The following ANKRD13C variants were observed in gnomAD, a reference collection of about 807,000 sequenced individuals.
ANKRD13C encodes ankyrin repeat domain 13C, also known as ankyrin repeat domain-containing protein 13C.
In ANKRD13C, 16 loss-of-function variants were observed where a neutral mutation model predicts 65.5. The ratio of observed to expected loss-of-function variants is 0.24; its 90% CI spans 0.17 to 0.37. The LOEUF is 0.37. Among genes scored for constraint, ANKRD13C ranks in the 10% least tolerant of loss-of-function variants. ANKRD13C has a pLI of 1.00. For synonymous variants in ANKRD13C, 235 were observed against 238.7 expected, an observed-to-expected ratio of 0.98 and a Z score of 0.14; for missense variants, 503 against 655.9, an observed-to-expected ratio of 0.77 and a Z score of 2.55.
intron 6 of ANKRD13C, 105 bp from the exon 7 acceptor site, chr1:70,301,013 T>C: frequency 3.4e-6 from 4 of 1,173,288 alleles, no homozygotes; most frequent in Non-Finnish European, 4.6e-6. Flanking sequence ...AAGATGCTAA[T>C]ACCATATTGC....
At chr1:70,265,842 A>AG in intron 12 of ANKRD13C, among the ~76,000 whole-genome samples, 1 of 149,206 alleles carries the variant, frequency 6.7e-6, no homozygotes, top group African/African-American at 2.5e-5. Flanking sequence ...AAAAAAAAAA[A>AG]AAAAAAAAAG....
intron 7 of ANKRD13C, among the ~76,000 whole-genome samples, 178 bp downstream of exon 7, chr1:70,300,584 GTC>G (rs1680307200): frequency 6.6e-6 from 1 of 151,756 alleles, no homozygotes; most frequent in Non-Finnish European, 1.5e-5. Context: ...CGAGACTCCA[GTC>G]TCAAAAAAAA....
chr1:70,302,219 CAG>C (rs1216388113), intron 6 of ANKRD13C, among the ~76,000 whole-genome samples: 1 of 151,150 alleles, frequency 6.6e-6, no homozygotes, highest in East Asian at 1.9e-4. Context: ...GCCAGGAAAA[CAG>C]GGGTGAGCCA....
chr1:70,331,820 CAAAAAAA>C (rs10526340), intron 2 of ANKRD13C, among the ~76,000 whole-genome samples: 1 of 70,070 alleles, frequency 1.4e-5, no homozygotes, highest in Non-Finnish European at 2.5e-5. Context: ...AGACTCGACT[CAAAAAAA>C]AAAAAAAAAA....
rs112001124 is a variant in ANKRD13C at position 70,348,974 on chromosome 1, C to T, written c.430+5005G>A. 4.1e-3 allele frequency among the ~76,000 whole-genome samples: 623 copies of T among 152,232 alleles called. 6 individuals carry two copies. The highest frequency in any genetic ancestry group is 0.014 in the African/African-American group (597 of 41,528). On this transcript the variant is annotated intron_variant, in intron 1 of 12. Transcript: ENST00000370944. ...ATTCATATGTTCAGGACTTTCATCACGTTGGCACCTAAAAGCTTCTGACTA... is the reference window on the plus strand; with the variant it reads ...ATTCATATGTTCAGGACTTTCATCATGTTGGCACCTAAAAGCTTCTGACTA...
At chr1:70,323,258 A>G (rs1681386741) in intron 3 of ANKRD13C, among the ~76,000 whole-genome samples, 2 of 152,222 alleles carry the variant, frequency 1.3e-5, no homozygotes, top group South Asian at 4.1e-4. Flanking sequence ...GTCAGTGTAT[A>G]ACAAATAAAA....
At chr1:70,344,700 A>G (rs1682454235) in intron 1 of ANKRD13C, among the ~76,000 whole-genome samples, 1 of 152,056 alleles carries the variant, frequency 6.6e-6, no homozygotes, top group African/African-American at 2.4e-5. Flanking sequence ...ACAAAAATTT[A>G]TATTCTTTTT....
intron 9 of ANKRD13C, among the ~76,000 whole-genome samples, chr1:70,286,192 T>C (rs1320673752): frequency 3.3e-5 from 5 of 152,180 alleles, no homozygotes; most frequent in Admixed American, 3.3e-4. Flanking sequence ...ATTATATGTA[T>C]TGATGAATAT....
chr1:70,272,511 T>C (rs1339113311), intron 11 of ANKRD13C, among the ~76,000 whole-genome samples: 2 of 152,048 alleles, frequency 1.3e-5, no homozygotes, highest in Non-Finnish European at 2.9e-5. Flanking sequence ...TGCACCACCA[T>C]GTCCGGCTCC....
At chr1:70,307,013 G>C (rs1680615340) in intron 5 of ANKRD13C, among the ~76,000 whole-genome samples, 1 of 152,134 alleles carries the variant, frequency 6.6e-6, no homozygotes, top group Non-Finnish European at 1.5e-5. Flanking sequence ...GAAATGTGAA[G>C]CTCAAAATTC....
chr1:70,349,601 C>T lies in ANKRD13C; in HGVS notation c.430+4378G>A, dbSNP rs560284864. Among the ~76,000 whole-genome samples, 7 of 151,930 alleles carry T rather than the reference C, an allele frequency of 4.6e-5. No homozygotes were observed. In the South Asian group the frequency reaches 1.5e-3, roughly 32 times the overall value. On this transcript the variant is annotated intron_variant, in intron 1 of 12. Transcript: ENST00000370944. ...TAAGTCAGTAACTTGCAAATGCACA[C>T]ACACACCAAAAATTTTACCAAATCA...
chr1:70,351,534 G>A (rs2101647052), intron 1 of ANKRD13C, among the ~76,000 whole-genome samples: 1 of 152,128 alleles, frequency 6.6e-6, no homozygotes, highest in East Asian at 1.9e-4. Flanking sequence ...CAAATAGCTG[G>A]GATTACAAGC....
rs961902630 is a variant in ANKRD13C at position 70,273,162 on chromosome 1, C to T, written c.1394+1558G>A. 2.6e-5 allele frequency among the ~76,000 whole-genome samples: 4 copies of T among 152,176 alleles called. No homozygotes were observed. The South Asian group carries it at 8.3e-4, about 32-fold the overall frequency. On this transcript the variant is annotated intron_variant, in intron 11 of 12. Coordinates refer to ENST00000370944, the MANE Select transcript of ANKRD13C (RefSeq NM_030816.5). ...GACATAACTTGAGGGCTGTATAGAA[C>T]AATCTATCTACTTATCTAAAGCCTA...
intron 3 of ANKRD13C, 92 bp from the exon 4 acceptor site, chr1:70,315,658 T>A: frequency 3.2e-6 from 3 of 950,264 alleles, no homozygotes; most frequent in Admixed American, 2.4e-5. Flanking sequence ...AGATAATACA[T>A]GTACACATAT....
chr1:70,294,744 T>C (rs1296275455), intron 8 of ANKRD13C, among the ~76,000 whole-genome samples: 1 of 151,890 alleles, frequency 6.6e-6, no homozygotes, highest in Non-Finnish European at 1.5e-5. Context: ...TCTCACCTCA[T>C]CCTTCCAAGC....
At chr1:70,326,685 C>A (rs1484986792) in intron 2 of ANKRD13C, among the ~76,000 whole-genome samples, 1 of 151,868 alleles carries the variant, frequency 6.6e-6, no homozygotes, top group African/African-American at 2.4e-5. Flanking sequence ...GGCAATTATA[C>A]TGGAAACAAA....
intron 3 of ANKRD13C, among the ~76,000 whole-genome samples, chr1:70,320,626 C>T (rs1681264948): frequency 6.6e-6 from 1 of 151,602 alleles, no homozygotes; most frequent in Admixed American, 6.6e-5. Context: ...TGCCCCACCA[C>T]ACCTGACCCA....
chr1:70,325,266 C>T lies in ANKRD13C; in HGVS notation c.473-309G>A, dbSNP rs1362091544. Among the ~76,000 whole-genome samples the T allele has an allele frequency of 4.6e-5, 7 of 152,092 alleles. No homozygotes were observed. In the East Asian group the frequency reaches 1.4e-3, roughly 29 times the overall value. Reference sequence around the variant, plus strand: ...ATGTTTTCATACTCTAAAAGATAACCCAAGAACTTCAAGAGTGATTTACTT... The same window carrying T: ...ATGTTTTCATACTCTAAAAGATAACTCAAGAACTTCAAGAGTGATTTACTT... On this transcript the variant is annotated intron_variant, in intron 2 of 12. Coordinates refer to ENST00000370944, the MANE Select transcript of ANKRD13C (RefSeq NM_030816.5).
In ANKRD13C at chr1:70,328,452, C is replaced by T. The variant is rs542142135; in HGVS notation, c.473-3495G>A. On this transcript the variant is annotated intron_variant, in intron 2 of 12. Coordinates refer to ENST00000370944, the MANE Select transcript of ANKRD13C (RefSeq NM_030816.5). Reference sequence around the variant, plus strand: ...CCAAGGTGGGCAGATCACCTGAGGTCGGGAGTTCAAGACCAGCCTGGCCAA... The same window carrying T: ...CCAAGGTGGGCAGATCACCTGAGGTTGGGAGTTCAAGACCAGCCTGGCCAA... Among the ~76,000 whole-genome samples, 75 of 152,192 alleles carry T rather than the reference C, an allele frequency of 4.9e-4. 1 individual carries two copies. Among genetic ancestry groups the T allele is most frequent in the African/African-American group, 1.7e-3 (69 of 41,522 alleles).
Sources: gnomAD v4.1 joint callset for allele counts (sites outside exome capture counted in the v4.1 genomes callset) on GRCh38, gnomAD v4.1.1 for gene constraint, MANE v1.5 for transcripts, NCBI Gene and HGNC (gene_info 2026-07-23, HGNC 2026-07-21) for gene names.